ROCK2: variants seen among roughly 807,000 people sequenced by gnomAD.
ROCK2 encodes the protein Rho associated coiled-coil containing protein kinase 2.
In ROCK2, 61 loss-of-function variants were observed where a neutral mutation model predicts 195.1. That is an observed-to-expected ratio of 0.31 (90% CI 0.25 to 0.39). The LOEUF (loss-of-function observed/expected upper bound fraction) is 0.39, where lower values mean the gene tolerates loss of function less well. Among genes scored for constraint, ROCK2 ranks in the 10% least tolerant of loss-of-function variants. The probability of loss-of-function intolerance (pLI) is 1.00; values close to 1 mark genes in which losing one functional copy is unlikely to be tolerated. For missense variants in ROCK2, 1,109 were observed against 1,637.4 expected, an observed-to-expected ratio of 0.68 and a Z score of 5.57; for synonymous variants, 504 against 545.5, an observed-to-expected ratio of 0.92 and a Z score of 1.06.
At position 11,192,313 on chromosome 2, in the gene ROCK2, G is replaced by C. The variant is rs1663457510; in HGVS notation, c.3998C>G (p.Ser1333Cys). ...TAKNLLLLANSTEEQQKWVSR... is the reference protein window; with the variant it reads ...TAKNLLLLANCTEEQQKWVSR... ...AACCCACTTCTGCTGCTCTTCTGTA[G>C]AATTTGCTAGTAATAACAGATTCTT... Residue 1333 changes from serine (S) to cysteine (C), a missense_variant, in exon 32 of 33, where the codon TCT (serine) becomes TGT (cysteine). Transcript: ENST00000315872. This position sits in a 1 kb window ranked among gnomAD's most constrained non-coding sequence, Gnocchi z 5.0. 6.2e-7 allele frequency: 1 copy of C among 1,613,526 alleles called. No homozygotes were observed. The highest frequency in any genetic ancestry group is 1.3e-5 in the African/African-American group (1 of 74,760).
At chr2:11,268,083 A>G (rs1033691356) in intron 3 of ROCK2, among the ~76,000 whole-genome samples, 1 of 151,964 alleles carries the variant, frequency 6.6e-6, no homozygotes, top group African/African-American at 2.4e-5. Flanking sequence ...TCCAAAAGAC[A>G]GGGGAGAACA....
intron 1 of ROCK2, among the ~76,000 whole-genome samples, chr2:11,304,063 T>C (rs1256832273): frequency 6.6e-6 from 1 of 152,238 alleles, no homozygotes; most frequent in African/African-American, 2.4e-5. Context: ...GGTTTTCTCC[T>C]GTCTTTGGGC....
intron 1 of ROCK2, among the ~76,000 whole-genome samples, chr2:11,335,108 T>TAC (rs59721285): frequency 0.078 from 11,256 of 145,010 alleles, 458 homozygotes; most frequent in Middle Eastern, 0.1. Context: ...CTTTGACTGA[T>TAC]ACACACACAC....
At chr2:11,239,565 A>C (rs55641887) in intron 4 of ROCK2, among the ~76,000 whole-genome samples, 60,401 of 152,080 alleles carry the variant, frequency 0.4, 13,541 homozygotes, top group Admixed American at 0.52. Context: ...AAAGACTAAT[A>C]AGCAAATATT....
intron 1 of ROCK2, among the ~76,000 whole-genome samples, chr2:11,334,726 G>A (rs1460527174): frequency 1.3e-5 from 2 of 150,560 alleles, no homozygotes; most frequent in East Asian, 3.9e-4. Context: ...CCCTGCTCTG[G>A]CGCGTTTCTA....
chr2:11,345,380 C>T (rs1356912293), upstream of ROCK2, among the ~76,000 whole-genome samples: 1 of 152,136 alleles, frequency 6.6e-6, no homozygotes, highest in African/African-American at 2.4e-5. Flanking sequence ...CGGGACCGTT[C>T]CGCCGCATTC....
At chr2:11,278,986 G>A in intron 3 of ROCK2, among the ~76,000 whole-genome samples, 1 of 150,174 alleles carries the variant, frequency 6.7e-6, no homozygotes. Context: ...CTAAAAAAAA[G>A]GAAAAAAGTA....
chr2:11,340,612 T>C (rs1031964034), intron 1 of ROCK2, among the ~76,000 whole-genome samples: 1 of 152,224 alleles, frequency 6.6e-6, no homozygotes, highest in Admixed American at 6.5e-5. Flanking sequence ...ATTTTTATTG[T>C]ATCTTTATAA....
chr2:11,214,309 A>G (rs779654538), intron 17 of ROCK2, 48 bp downstream of exon 17: 3 of 1,055,792 alleles, frequency 2.8e-6, no homozygotes, highest in Non-Finnish European at 4.3e-6. Context: ...TTCTAACCTG[A>G]AAGTCTACTG....
At chr2:11,243,084 A>C (rs912488739) in intron 4 of ROCK2, among the ~76,000 whole-genome samples, 30 of 152,240 alleles carry the variant, frequency 2.0e-4, no homozygotes, top group African/African-American at 7.0e-4. Flanking sequence ...GGGGCAGCCT[A>C]GTGGGGGATA....
chr2:11,216,520 T>C, intron 12 of ROCK2, among the ~76,000 whole-genome samples: 1 of 144,562 alleles, frequency 6.9e-6, no homozygotes, highest in South Asian at 2.1e-4. Flanking sequence ...TTTTCTTTTT[T>C]TTTTTTTTGA....
chr2:11,319,242 A>C (rs2148245279), intron 1 of ROCK2, among the ~76,000 whole-genome samples: 1 of 152,280 alleles, frequency 6.6e-6, no homozygotes, highest in East Asian at 1.9e-4. Context: ...ATAAGCATGG[A>C]ATGTTCTTCC....
chr2:11,260,758 G>A lies in ROCK2; in HGVS notation c.325-10960C>T, dbSNP rs77305637. Among the ~76,000 whole-genome samples, 309 of 152,214 alleles carry A rather than the reference G, an allele frequency of 2.0e-3. 1 individual carries two copies. The highest frequency in any genetic ancestry group is 7.1e-3 in the African/African-American group (297 of 41,540). ...TATTTAAACTAGCATTTACATATGAGATAACTAAACAGAAAAACAAATATA... is the reference window on the plus strand; with the variant it reads ...TATTTAAACTAGCATTTACATATGAAATAACTAAACAGAAAAACAAATATA... On this transcript the variant is annotated intron_variant, in intron 3 of 32. Coordinates refer to ENST00000315872, the MANE Select transcript of ROCK2 (RefSeq NM_004850.5).
rs372568393 is a variant in ROCK2, at chr2:11,259,084, T to C, written c.325-9286A>G. On this transcript the variant is annotated intron_variant, in intron 3 of 32. Coordinates refer to ENST00000315872, the MANE Select transcript of ROCK2 (RefSeq NM_004850.5). ...GACAGGGGAAAAGAAAGTTTGAGCT[T>C]TTAAGGGAGATTTAGGCTTCACTAC... Among the ~76,000 whole-genome samples, 8 of 151,328 alleles carry C rather than the reference T, an allele frequency of 5.3e-5. 1 individual carries two copies. Among genetic ancestry groups the C allele is most frequent in the Admixed American group, 6.5e-5 (1 of 15,276 alleles).
At chr2:11,333,630 T>C (rs1183457067) in intron 1 of ROCK2, among the ~76,000 whole-genome samples, 1 of 152,220 alleles carries the variant, frequency 6.6e-6, no homozygotes, top group Non-Finnish European at 1.5e-5. Flanking sequence ...TCATCGTGAC[T>C]TGCAATGACA....
chr2:11,205,381 A>G (rs187138488), intron 20 of ROCK2, among the ~76,000 whole-genome samples: 7 of 152,218 alleles, frequency 4.6e-5, no homozygotes, highest in Admixed American at 3.3e-4. Flanking sequence ...GTTCTACTTC[A>G]TCAGTCACAA....
At chr2:11,216,944 G>C in intron 12 of ROCK2, 146 bp downstream of exon 12, 1 of 463,312 alleles carries the variant, frequency 2.2e-6, no homozygotes, top group East Asian at 4.3e-5. Flanking sequence ...GGCTGGTCTT[G>C]AACTCCTGAC....
chr2:11,231,191 T>C, intron 5 of ROCK2, among the ~76,000 whole-genome samples: 1 of 152,040 alleles, frequency 6.6e-6, no homozygotes, highest in African/African-American at 2.4e-5. Flanking sequence ...GTAATTTTTT[T>C]TTTTCTTCAG....
At chr2:11,207,393 G>C (rs1346931932) in intron 20 of ROCK2, among the ~76,000 whole-genome samples, 2 of 152,116 alleles carry the variant, frequency 1.3e-5, no homozygotes, top group East Asian at 3.8e-4. Context: ...AAGAAACTAA[G>C]GAAACAAACA....
Sources: allele counts gnomAD v4.1 joint callset (sites outside exome capture counted in the v4.1 genomes callset), GRCh38; gene constraint gnomAD v4.1.1; non-coding constraint Gnocchi (gnomAD v3.1); transcripts MANE v1.5; gene names NCBI Gene and HGNC (gene_info 2026-07-23, HGNC 2026-07-21).